Variants in ZNF804B observed in about 807,000 individuals in gnomAD.
ZNF804B encodes the protein zinc finger 804B.
In ZNF804B, 80 loss-of-function variants were observed where a neutral mutation model predicts 101.4. That is an observed-to-expected ratio of 0.79 (90% CI 0.66 to 0.95). The LOEUF is 0.95. Among genes scored for constraint, ZNF804B ranks in the 40% least tolerant of loss-of-function variants. ZNF804B has a pLI of 0.00. For synonymous variants in ZNF804B, 622 were observed against 558.8 expected, an observed-to-expected ratio of 1.11 and a Z score of -1.59; for missense variants, 1,673 against 1,561.9, an observed-to-expected ratio of 1.07 and a Z score of -1.20.
chr7:89,264,996 T>A (rs1286456293), intron 2 of ZNF804B, among the ~76,000 whole-genome samples: 1 of 152,216 alleles, frequency 6.6e-6, no homozygotes, highest in Non-Finnish European at 1.5e-5. Context: ...TCTTTGTATG[T>A]GATTTAAGCA....
intron 2 of ZNF804B, among the ~76,000 whole-genome samples, chr7:89,300,095 C>A (rs1392510022): frequency 6.6e-6 from 1 of 151,524 alleles, no homozygotes; most frequent in East Asian, 2.0e-4. Flanking sequence ...CCCACTTTAT[C>A]TACGCTACTA....
chr7:88,922,338 C>T (rs1386287431), intron 1 of ZNF804B, among the ~76,000 whole-genome samples: 1 of 152,080 alleles, frequency 6.6e-6, no homozygotes, highest in Non-Finnish European at 1.5e-5. Flanking sequence ...GAGATTTCAA[C>T]TAAAAGACAT....
intron 1 of ZNF804B, among the ~76,000 whole-genome samples, chr7:88,986,747 C>G (rs187429268): frequency 1.1e-4 from 16 of 152,246 alleles, no homozygotes; most frequent in Non-Finnish European, 2.2e-4. Context: ...TGGCCTATTT[C>G]TAGATCTTTG....
intron 1 of ZNF804B, among the ~76,000 whole-genome samples, chr7:89,197,348 C>T (rs1389028281): frequency 6.6e-6 from 1 of 151,816 alleles, no homozygotes; most frequent in Non-Finnish European, 1.5e-5. Flanking sequence ...ATATGCGTTG[C>T]CACAAAAATC....
At chr7:88,854,041 A>AT (rs1403436292) in intron 1 of ZNF804B, among the ~76,000 whole-genome samples, 5 of 152,144 alleles carry the variant, frequency 3.3e-5, no homozygotes, top group Non-Finnish European at 5.9e-5. Flanking sequence ...TTTTTCAACT[A>AT]TTTTTAATTC....
At chr7:89,299,187 T>TTTAA (rs1790438604) in intron 2 of ZNF804B, among the ~76,000 whole-genome samples, 1 of 152,060 alleles carries the variant, frequency 6.6e-6, no homozygotes, top group Non-Finnish European at 1.5e-5. Flanking sequence ...ACTGTCTGCT[T>TTTAA]TTCAGTTTTT....
chr7:88,873,256 G>C (rs565106327), intron 1 of ZNF804B, among the ~76,000 whole-genome samples: 12 of 152,186 alleles, frequency 7.9e-5, no homozygotes, highest in African/African-American at 1.2e-4. Context: ...TTTTTGGCTG[G>C]ATAAATGTCT....
At position 88,760,015 on chromosome 7, in the gene ZNF804B, C is replaced by CCAT; in HGVS notation, c.39_40insCAT (p.Ser13_Asn14insHis). 6.2e-7 allele frequency: 1 copy of CCAT among 1,614,234 alleles called. No homozygotes were observed. The highest frequency in any genetic ancestry group is 8.5e-7 in the Non-Finnish European group (1 of 1,180,038). ...TGGTCATCAGTTCGAGACATCTCAG[C>CCAT]AATGGGCACTACCGGGGCATTAAAG... is the stretch of plus-strand genomic sequence containing the variant. On this transcript the variant is annotated inframe_insertion, in exon 1 of 4. Transcript: ENST00000333190.
chr7:88,838,560 T>G (rs1174533161), intron 1 of ZNF804B, among the ~76,000 whole-genome samples: 2 of 152,008 alleles, frequency 1.3e-5, no homozygotes, highest in Non-Finnish European at 2.9e-5. Context: ...AAAATAGATT[T>G]GTTACCTATA....
intron 2 of ZNF804B, among the ~76,000 whole-genome samples, chr7:89,285,449 G>GGAGGCAGA (rs912606356): frequency 2.6e-4 from 37 of 142,872 alleles, no homozygotes; most frequent in African/African-American, 8.8e-4. Context: ...CATGAACCTG[G>GGAGGCAGA]GAGGCAGAGC....
intron 1 of ZNF804B, among the ~76,000 whole-genome samples, chr7:88,926,360 G>A (rs905112267): frequency 7.9e-5 from 12 of 151,696 alleles, no homozygotes; most frequent in African/African-American, 2.9e-4. Flanking sequence ...GCTGAGGCAG[G>A]CGGATCACTT....
chr7:88,761,914 G>A (rs1423255636), intron 1 of ZNF804B, among the ~76,000 whole-genome samples: 1 of 152,162 alleles, frequency 6.6e-6, no homozygotes, highest in Non-Finnish European at 1.5e-5. Context: ...TCTCCCAAGA[G>A]CCTGACTGAC....
At chr7:89,321,482 A>AAAT (rs570968450) in intron 2 of ZNF804B, among the ~76,000 whole-genome samples, 6 of 151,990 alleles carry the variant, frequency 3.9e-5, no homozygotes, top group Admixed American at 6.6e-5. Context: ...CCATCTCAAA[A>AAAT]AATAATAATA....
At chr7:88,941,407 A>T (rs1383250633) in intron 1 of ZNF804B, among the ~76,000 whole-genome samples, 1 of 152,070 alleles carries the variant, frequency 6.6e-6, no homozygotes, top group Non-Finnish European at 1.5e-5. Flanking sequence ...ATGCATTTAG[A>T]TAAGGGAATA....
chr7:89,133,435 A>G (rs1790582337), intron 1 of ZNF804B, among the ~76,000 whole-genome samples: 2 of 152,040 alleles, frequency 1.3e-5, no homozygotes, highest in African/African-American at 4.8e-5. Flanking sequence ...TTCCTTTCAC[A>G]TAAGGCCAGG....
intron 1 of ZNF804B, among the ~76,000 whole-genome samples, chr7:89,104,752 C>T (rs1790110545): frequency 6.6e-6 from 1 of 151,924 alleles, no homozygotes; most frequent in African/African-American, 2.4e-5. Flanking sequence ...ATCCTTCACT[C>T]TTCTCTTGTT....
At chr7:88,889,504 T>C (rs959694166) in intron 1 of ZNF804B, among the ~76,000 whole-genome samples, 1 of 152,192 alleles carries the variant, frequency 6.6e-6, no homozygotes, top group African/African-American at 2.4e-5. Flanking sequence ...TGTTTCATTG[T>C]GGTTTTAATT....
intron 1 of ZNF804B, among the ~76,000 whole-genome samples, chr7:89,108,985 A>T (rs2116349208): frequency 6.6e-6 from 1 of 152,290 alleles, no homozygotes; most frequent in East Asian, 1.9e-4. Context: ...GAGCTGTGTC[A>T]TTAGTATTGG....
At chr7:88,885,104 T>C (rs1307962925) in intron 1 of ZNF804B, among the ~76,000 whole-genome samples, 1 of 152,012 alleles carries the variant, frequency 6.6e-6, no homozygotes, top group African/African-American at 2.4e-5. Flanking sequence ...CAGCATTAGA[T>C]TTCTAGTCAC....
Sources: allele counts gnomAD v4.1 joint callset (sites outside exome capture counted in the v4.1 genomes callset), GRCh38; gene constraint gnomAD v4.1.1; transcripts MANE v1.5; gene names NCBI Gene and HGNC (gene_info 2026-07-23, HGNC 2026-07-21).